Variants in BBOX1 observed in about 807,000 individuals in gnomAD.
The protein encoded by BBOX1 is gamma-butyrobetaine dioxygenase.
BBOX1 carries 35 observed loss-of-function variants against 41.6 expected under a neutral mutation model. That is an observed-to-expected ratio of 0.84 (90% confidence interval 0.64 to 1.11). BBOX1 has a LOEUF of 1.11. Ranked by LOEUF, BBOX1 falls within the 50% of genes most tolerant of loss-of-function variation. The probability of loss-of-function intolerance (pLI) is 0.00; values close to 1 mark genes in which losing one functional copy is unlikely to be tolerated. For missense variants in BBOX1, 458 were observed against 460.6 expected, an observed-to-expected ratio of 0.99 and a Z score of 0.05; for synonymous variants, 163 against 154.7, an observed-to-expected ratio of 1.05 and a Z score of -0.40.
chr11:27,063,851 G>A (rs1282851918), intron 4 of BBOX1, among the ~76,000 whole-genome samples: 1 of 135,102 alleles, frequency 7.4e-6, no homozygotes, highest in African/African-American at 2.6e-5. Flanking sequence ...TATTCGTCTT[G>A]TACATGGCAA....
intron 4 of BBOX1, among the ~76,000 whole-genome samples, chr11:27,071,520 G>A (rs555266994): frequency 7.9e-5 from 12 of 152,224 alleles, no homozygotes; most frequent in South Asian, 4.2e-4. Flanking sequence ...GGTGGGAGGC[G>A]ATTGAATCAT....
At chr11:27,106,120 C>A (rs1858856230) in intron 5 of BBOX1, among the ~76,000 whole-genome samples, 1 of 152,054 alleles carries the variant, frequency 6.6e-6, no homozygotes, top group South Asian at 2.1e-4. Context: ...ACAACCGGTA[C>A]CAGCCACTGC....
At chr11:27,127,169 A>G in intron 8 of BBOX1, 124 bp from the exon 9 acceptor site, 1 of 1,078,694 alleles carries the variant, frequency 9.3e-7, no homozygotes, top group Non-Finnish European at 1.3e-6. Context: ...AGTTTCATGT[A>G]AAGAAATAAG....
chr11:27,098,762 A>T (rs1858537999), intron 5 of BBOX1, among the ~76,000 whole-genome samples: 1 of 152,062 alleles, frequency 6.6e-6, no homozygotes, highest in Non-Finnish European at 1.5e-5. Context: ...TGTGTTCATG[A>T]CACAGAGAAA....
At position 27,125,818 on chromosome 11, in the gene BBOX1, C is replaced by G; in HGVS notation, c.1001C>G (p.Pro334Arg). 6.2e-7 allele frequency: 1 copy of G among 1,606,498 alleles called. No homozygotes were observed. The highest frequency in any genetic ancestry group is 8.5e-7 in the Non-Finnish European group (1 of 1,177,402). Residue 334 changes from proline to arginine, a missense_variant and splice_region_variant, in exon 8 of 9, where the codon CCA becomes CGA. Transcript: ENST00000263182. ...TCCAAGTTTACCTTCAAGATGAATC[C>G]AGGTCAGTGAATACATTTTCTCAAA... ...KESKFTFKMN[P>R]GDVITFDNWR...
At chr11:27,109,131 C>G (rs1470259444) in intron 5 of BBOX1, among the ~76,000 whole-genome samples, 1 of 152,012 alleles carries the variant, frequency 6.6e-6, no homozygotes, top group Non-Finnish European at 1.5e-5. Context: ...CTTACAATAG[C>G]TCTTTAAAAA....
At chr11:27,075,032 A>T (rs573348401) in intron 4 of BBOX1, among the ~76,000 whole-genome samples, 1 of 152,324 alleles carries the variant, frequency 6.6e-6, no homozygotes, top group South Asian at 2.1e-4. Flanking sequence ...TGGGGATGTT[A>T]TAGAACCCTG....
chr11:27,080,265 CT>C (rs1201050529), intron 4 of BBOX1, among the ~76,000 whole-genome samples: 1 of 151,884 alleles, frequency 6.6e-6, no homozygotes, highest in Non-Finnish European at 1.5e-5. Context: ...TATTAAATGC[CT>C]TCTATTTTCC....
intron 4 of BBOX1, among the ~76,000 whole-genome samples, chr11:27,071,289 G>A (rs571139323): frequency 9.9e-5 from 15 of 152,032 alleles, no homozygotes; most frequent in Admixed American, 3.9e-4. Flanking sequence ...GGCTGAGGCA[G>A]GAGAATGGCA....
chr11:27,066,189 C>CT (rs1857273806), intron 4 of BBOX1, among the ~76,000 whole-genome samples: 1 of 151,968 alleles, frequency 6.6e-6, no homozygotes. Flanking sequence ...ACAAGCTAGG[C>CT]TTTTTTGTGT....
chr11:27,116,974 C>A (rs1353496846), intron 6 of BBOX1, among the ~76,000 whole-genome samples: 1 of 151,946 alleles, frequency 6.6e-6, no homozygotes, highest in Non-Finnish European at 1.5e-5. Context: ...AGTGTGAAGC[C>A]ACAAATCCCC....
intron 8 of BBOX1, among the ~76,000 whole-genome samples, chr11:27,126,668 CT>C (rs1339375151): frequency 3.9e-5 from 5 of 126,910 alleles, no homozygotes; most frequent in African/African-American, 1.1e-4. Context: ...AGAAACATTT[CT>C]TTTTTTTCTT....
At chr11:27,082,151 C>T (rs914393943) in intron 4 of BBOX1, among the ~76,000 whole-genome samples, 1 of 152,112 alleles carries the variant, frequency 6.6e-6, no homozygotes, top group Non-Finnish European at 1.5e-5. Context: ...CCCCATGATC[C>T]AATCACCTCC....
At chr11:27,078,213 C>A (rs1200797959) in intron 4 of BBOX1, among the ~76,000 whole-genome samples, 3 of 152,054 alleles carry the variant, frequency 2.0e-5, no homozygotes, top group Non-Finnish European at 2.9e-5. Flanking sequence ...CTAAACCAAG[C>A]CACAAATATC....
chr11:27,048,831 T>G lies in BBOX1; in HGVS notation c.-38-6562T>G, dbSNP rs1851574267. On this transcript the variant is annotated intron_variant, in intron 2 of 8. Coordinates refer to ENST00000263182, the MANE Select transcript of BBOX1 (RefSeq NM_003986.3). ...TTACATATGTATACATGTGCCATGC[T>G]GGTGCGCTGCACCCACTAACTCGTC... 2.0e-5 allele frequency among the ~76,000 whole-genome samples: 3 copies of G among 149,848 alleles called. No homozygotes were observed. The South Asian group carries it at 6.5e-4, about 32-fold the overall frequency.
chr11:27,058,916 A>C (rs1590172631), intron 4 of BBOX1, among the ~76,000 whole-genome samples: 1 of 152,230 alleles, frequency 6.6e-6, no homozygotes, highest in African/African-American at 2.4e-5. Context: ...AGAAAGAAAA[A>C]GCTTTTTTGG....
rs1312776840 is a variant in BBOX1, at chr11:27,108,594, CT to C, written c.534-6857del. Reference sequence around the variant, plus strand: ...AACATGTATTTCTTGGCAACTCTCACTGCAATATAATGGATTGTCTGACACA... The same window carrying C: ...AACATGTATTTCTTGGCAACTCTCACGCAATATAATGGATTGTCTGACACA... On this transcript the variant is annotated intron_variant, in intron 5 of 8. Transcript: ENST00000263182. Among the ~76,000 whole-genome samples, 5 of 152,068 alleles carry C rather than the reference CT, an allele frequency of 3.3e-5. No homozygotes were observed. In the East Asian group the frequency reaches 9.7e-4, roughly 29 times the overall value.
chr11:27,118,761 C>T (rs4923424), intron 6 of BBOX1, among the ~76,000 whole-genome samples: 92,125 of 151,606 alleles, frequency 0.61, 30,174 homozygotes, highest in East Asian at 0.94. Flanking sequence ...ATCAAGGGGC[C>T]TTGACATATG....
chr11:27,110,543 T>G (rs767829016), intron 5 of BBOX1, among the ~76,000 whole-genome samples: 6 of 151,900 alleles, frequency 3.9e-5, no homozygotes, highest in Non-Finnish European at 7.4e-5. Context: ...ACCTTTTCAC[T>G]TTGGGTTCTG....
Sources: gnomAD v4.1 joint callset for allele counts (sites outside exome capture counted in the v4.1 genomes callset) on GRCh38, gnomAD v4.1.1 for gene constraint, MANE v1.5 for transcripts, NCBI Gene and HGNC (gene_info 2026-07-23, HGNC 2026-07-21) for gene names.